GLI2: variants seen among roughly 807,000 people sequenced by gnomAD.
GLI2 encodes GLI family zinc finger 2.
A neutral mutation model predicts 78.9 loss-of-function variants in GLI2; 22 were observed. That is an observed-to-expected ratio of 0.28 (90% confidence interval 0.20 to 0.40). GLI2 has a LOEUF of 0.40. Among genes scored for constraint, GLI2 ranks in the 10% least tolerant of loss-of-function variants. The pLI, the probability that GLI2 is intolerant of heterozygous loss-of-function variation, is 1.00. For missense variants in GLI2, 2,097 were observed against 2,213.2 expected (o/e 0.95, Z 1.05); for synonymous variants, 974 against 963.7 (o/e 1.01, Z -0.20).
chr2:120,775,464 T>C (rs1425251393), intron 1 of GLI2, among the ~76,000 whole-genome samples: 2 of 152,200 alleles, frequency 1.3e-5, no homozygotes, highest in African/African-American at 4.8e-5. Flanking sequence ...ATGCGAACAG[T>C]GCGCTAATGC....
chr2:120,799,874 C>T (rs559341630), intron 2 of GLI2, among the ~76,000 whole-genome samples: 4 of 152,272 alleles, frequency 2.6e-5, no homozygotes, highest in African/African-American at 7.2e-5. Context: ...GGAGAATGTG[C>T]GGAAGGAGGT....
At chr2:120,961,216 G>A (rs967002254) in intron 5 of GLI2, among the ~76,000 whole-genome samples, 3 of 152,130 alleles carry the variant, frequency 2.0e-5, no homozygotes, top group African/African-American at 4.8e-5. Context: ...AATTTGGCTC[G>A]GATGTCACCT....
intron 13 of GLI2, among the ~76,000 whole-genome samples, chr2:120,987,626 C>A (rs1490113425): frequency 6.6e-6 from 1 of 152,202 alleles, no homozygotes; most frequent in African/African-American, 2.4e-5. Flanking sequence ...TAATAACCTG[C>A]TCCTTAAACT....
intron 1 of GLI2, among the ~76,000 whole-genome samples, chr2:120,773,518 G>A (rs1467805881): frequency 1.3e-5 from 2 of 152,166 alleles, no homozygotes; most frequent in African/African-American, 4.8e-5. Flanking sequence ...ATGCCATGCC[G>A]GCCCCTGATG....
intron 2 of GLI2, among the ~76,000 whole-genome samples, chr2:120,920,347 C>T (rs992665448): frequency 2.0e-5 from 3 of 152,250 alleles, no homozygotes; most frequent in African/African-American, 7.2e-5. Context: ...TGATGGAGGC[C>T]GCCTGGTCAT....
intron 2 of GLI2, among the ~76,000 whole-genome samples, chr2:120,820,107 C>T (rs1307674230): frequency 1.3e-5 from 2 of 152,160 alleles, no homozygotes; most frequent in African/African-American, 4.8e-5. Flanking sequence ...CTTAGAAAGA[C>T]TGAGGCTGAT....
Position 120,990,832 on chromosome 2 carries a change from G to A in GLI2, c.*157G>A. 1.6e-6 allele frequency: 1 copy of A among 615,704 alleles called. No individual in the cohort carries two copies. The highest frequency in any genetic ancestry group is 2.9e-6 in the Non-Finnish European group (1 of 350,792). 38.1% of individuals were successfully genotyped at this position (615,704 alleles called of 1,614,324 possible). A position where few individuals can be genotyped will look rare whatever the true frequency, so the allele number is the denominator to read the frequency against. ...CAGATGACAGATGTTGTAAGAGAAG[G>A]TTTATGGGCATCCTCTCTGGTCTTT... On this transcript the variant is annotated 3_prime_UTR_variant, in exon 14 of 14. Transcript: ENST00000361492.
At chr2:120,845,181 G>A (rs1687055883) in intron 2 of GLI2, among the ~76,000 whole-genome samples, 1 of 152,148 alleles carries the variant, frequency 6.6e-6, no homozygotes, top group South Asian at 2.1e-4. Flanking sequence ...GCTGAGGCAT[G>A]AGAATCACTT....
chr2:120,938,772 A>G (rs1274583084), intron 3 of GLI2, among the ~76,000 whole-genome samples: 1 of 152,136 alleles, frequency 6.6e-6, no homozygotes, highest in African/African-American at 2.4e-5. Flanking sequence ...GGGCCCATGG[A>G]GTGATCATGT....
intron 5 of GLI2, among the ~76,000 whole-genome samples, chr2:120,955,924 G>T (rs1009460445): frequency 2.6e-5 from 4 of 152,026 alleles, no homozygotes; most frequent in African/African-American, 7.3e-5. Flanking sequence ...TCAAGAAATA[G>T]CCAGGAGCCA....
chr2:120,963,090 G>A (rs1681664757), intron 5 of GLI2, among the ~76,000 whole-genome samples: 1 of 152,198 alleles, frequency 6.6e-6, no homozygotes. Flanking sequence ...ATGAGTGAAT[G>A]TCTAATGACA....
chr2:120,946,109 T>G (rs1680699507), intron 3 of GLI2, among the ~76,000 whole-genome samples: 1 of 152,180 alleles, frequency 6.6e-6, no homozygotes, highest in South Asian at 2.1e-4. Context: ...CTGAGAAGCC[T>G]TCCTGCACAC....
intron 3 of GLI2, among the ~76,000 whole-genome samples, chr2:120,934,072 G>A (rs939102959): frequency 3.3e-5 from 5 of 152,182 alleles, no homozygotes; most frequent in Non-Finnish European, 5.9e-5. Context: ...GGTGAAGCCC[G>A]GAAATCTGCT....
chr2:120,806,715 C>G (rs1482599557), intron 2 of GLI2, among the ~76,000 whole-genome samples: 1 of 152,194 alleles, frequency 6.6e-6, no homozygotes, highest in Non-Finnish European at 1.5e-5. Flanking sequence ...ATAGCTGATC[C>G]AGGGTGCAGG....
chr2:120,916,591 G>A (rs955825742), intron 2 of GLI2, among the ~76,000 whole-genome samples: 6 of 152,248 alleles, frequency 3.9e-5, no homozygotes, highest in African/African-American at 9.6e-5. Flanking sequence ...ACACAGCAGC[G>A]CCCCGGGGCA....
chr2:120,855,350 A>C (rs1315117222), intron 2 of GLI2, among the ~76,000 whole-genome samples: 1 of 152,252 alleles, frequency 6.6e-6, no homozygotes, highest in East Asian at 1.9e-4. Context: ...GCCACTCAAG[A>C]AACTTGGTTG....
chr2:120,905,117 G>T (rs1378009493), intron 2 of GLI2, among the ~76,000 whole-genome samples: 1 of 152,214 alleles, frequency 6.6e-6, no homozygotes, highest in Non-Finnish European at 1.5e-5. Context: ...AGTAAATGTG[G>T]CTGGAAGTAT....
intron 2 of GLI2, among the ~76,000 whole-genome samples, chr2:120,860,692 A>G (rs982328892): frequency 6.6e-6 from 1 of 152,196 alleles, no homozygotes; most frequent in Admixed American, 6.5e-5. Context: ...GCCTGCAAGA[A>G]GGCCCTGTGT....
intron 2 of GLI2, among the ~76,000 whole-genome samples, chr2:120,806,582 A>G (rs1417512973): frequency 1.3e-5 from 2 of 152,140 alleles, no homozygotes; most frequent in Non-Finnish European, 2.9e-5. Context: ...GGGCGCCATC[A>G]GCTCAGTCTG....
Sources: gnomAD v4.1 joint callset for allele counts (sites outside exome capture counted in the v4.1 genomes callset) on GRCh38, gnomAD v4.1.1 for gene constraint, MANE v1.5 for transcripts, NCBI Gene and HGNC (gene_info 2026-07-23, HGNC 2026-07-21) for gene names.